The following VPS33A variants were observed in gnomAD, a reference collection of about 807,000 sequenced individuals.
VPS33A encodes the protein vacuolar protein sorting-associated protein 33A.
VPS33A carries 32 observed loss-of-function variants against 71.8 expected under a neutral mutation model. The ratio of observed to expected loss-of-function variants is 0.45; its 90% CI spans 0.34 to 0.60. The LOEUF is 0.60. Ranked by LOEUF, VPS33A falls within the 20% of genes least tolerant of loss-of-function variation. The pLI, the probability that VPS33A is intolerant of heterozygous loss-of-function variation, is 0.02. For synonymous variants in VPS33A, 311 were observed against 292.7 expected (o/e 1.06, Z -0.64); for missense variants, 625 against 748.5 (o/e 0.84, Z 1.92).
intron 2 of VPS33A, 127 bp downstream of exon 2, chr12:122,264,007 G>C: frequency 1.2e-6 from 1 of 801,836 alleles, no homozygotes. Context: ...TCGGGCACTA[G>C]TATTAGTGTT....
At chr12:122,259,342 C>T (rs76833259) in intron 4 of VPS33A, among the ~76,000 whole-genome samples, 1 of 152,068 alleles carries the variant, frequency 6.6e-6, no homozygotes, top group African/African-American at 2.4e-5. Context: ...GCCTCAGCCT[C>T]CCAAGTAGCT....
chr12:122,235,730 A>T, intron 11 of VPS33A, 56 bp downstream of exon 11: 1 of 1,542,762 alleles, frequency 6.5e-7, no homozygotes, highest in Non-Finnish European at 8.7e-7. Context: ...ATGTGTTGTC[A>T]CCTGGACGAT....
chr12:122,264,194 T>C lies in VPS33A; in HGVS notation c.108A>G (p.Ile36Met). ...GTCCAGTTAGGTATTCATCCCAAAC[T>C]ATTGCCTGTAAGAGGGGAGAAACAT... ...FLDKCAGSKAIVWDEYLTGPF... is the reference protein window; with the variant it reads ...FLDKCAGSKAMVWDEYLTGPF... Residue 36 changes from isoleucine to methionine, a missense_variant, in exon 2 of 13, where the codon ATA becomes ATG. Physicochemically the swap from Ile to Met is conservative, Grantham distance 10. Transcript: ENST00000267199. 6.5e-7 allele frequency: 1 copy of C among 1,541,438 alleles called. No homozygotes were observed. Among genetic ancestry groups the C allele is most frequent in the Non-Finnish European group, 8.8e-7 (1 of 1,131,024 alleles).
chr12:122,234,794 T>C (rs899129100), intron 11 of VPS33A, among the ~76,000 whole-genome samples: 1 of 152,216 alleles, frequency 6.6e-6, no homozygotes, highest in African/African-American at 2.4e-5. Context: ...ACGTTGTCAC[T>C]GGCCAGCTTC....
intron 4 of VPS33A, among the ~76,000 whole-genome samples, chr12:122,252,550 G>A (rs954392127): frequency 4.0e-5 from 6 of 151,786 alleles, no homozygotes; most frequent in Non-Finnish European, 8.8e-5. Flanking sequence ...GATTACAGGC[G>A]TGAGCCACCG....
rs934604487 is a variant in VPS33A, at chr12:122,250,217, G to A, written c.601-172C>T. 51 of 644,202 alleles carry A rather than the reference G, an allele frequency of 7.9e-5. No homozygotes were observed. In the Admixed American group the frequency reaches 1.2e-3, roughly 16 times the overall value. The allele number at this position is 644,202 out of a possible 1,614,324, so 39.9% of individuals were successfully genotyped here. A position where few individuals can be genotyped will look rare whatever the true frequency, so the allele number is the denominator to read the frequency against. On this transcript the variant is annotated intron_variant, in intron 5 of 12. Coordinates refer to ENST00000267199, the MANE Select transcript of VPS33A (RefSeq NM_022916.6). ...GCACCTTGCTGTTGGCACCCATCCC[G>A]ACACTTGCACCAAGGCAGCTGCCAT...
intron 9 of VPS33A, 99 bp downstream of exon 9, chr12:122,239,779 A>AAAAAAAAAAAAAAAAAAAAAAAT: frequency 2.0e-6 from 1 of 507,360 alleles, no homozygotes; most frequent in East Asian, 4.2e-5. Context: ...AAAAAAAAAA[A>AAAAAAAAAAAAAAAAAAAAAAAT]GGCAAGGCAT....
In VPS33A at chr12:122,244,561, T is replaced by C; in HGVS notation, c.969+8A>G. On this transcript the variant is annotated splice_region_variant and intron_variant, in intron 7 of 12. Coordinates refer to ENST00000267199, the MANE Select transcript of VPS33A (RefSeq NM_022916.6). ...GAGTTGCAGAATGACACCCAAAACT[T>C]GCCTCACCTCGAATGCTGCAGAGAT... 2 of 1,583,458 alleles carry C rather than the reference T, an allele frequency of 1.3e-6. No homozygotes were observed. Among genetic ancestry groups the C allele is most frequent in the Non-Finnish European group, 1.7e-6 (2 of 1,156,004 alleles).
chr12:122,254,239 C>T (rs1566048537), intron 4 of VPS33A, among the ~76,000 whole-genome samples: 1 of 152,100 alleles, frequency 6.6e-6, no homozygotes, highest in Non-Finnish European at 1.5e-5. Context: ...CTAGATGTAC[C>T]TCCTGAAGCC....
intron 4 of VPS33A, among the ~76,000 whole-genome samples, chr12:122,255,960 C>G (rs963197143): frequency 6.6e-6 from 1 of 151,966 alleles, no homozygotes; most frequent in Non-Finnish European, 1.5e-5. Flanking sequence ...CACATCACCA[C>G]GTGTGGCTAG....
At chr12:122,239,542 G>A (rs1262252290) in intron 9 of VPS33A, among the ~76,000 whole-genome samples, 1 of 152,032 alleles carries the variant, frequency 6.6e-6, no homozygotes, top group African/African-American at 2.4e-5. Flanking sequence ...AGACCATCCT[G>A]GCTAACATGG....
At position 122,266,171 on chromosome 12, in the gene VPS33A, G is replaced by A. The variant is rs944939944; in HGVS notation, c.102+136C>T. 1.5e-5 allele frequency: 20 copies of A among 1,338,378 alleles called. No homozygotes were observed. The Admixed American group carries it at 2.5e-4, about 17-fold the overall frequency. The allele number at this position is 1,338,378 out of a possible 1,614,324, so 82.9% of individuals were successfully genotyped here. ...CGCTGCCTCCTGCACAGGGGTGCAG[G>A]TAAAAGGGCCCTGAGGCTCGCCTCC... On this transcript the variant is annotated intron_variant, in intron 1 of 12. Coordinates refer to ENST00000267199, the MANE Select transcript of VPS33A (RefSeq NM_022916.6).
chr12:122,236,025 G>T, intron 10 of VPS33A, 102 bp from the exon 11 acceptor site: 1 of 1,421,906 alleles, frequency 7.0e-7, no homozygotes, highest in Non-Finnish European at 9.5e-7. Flanking sequence ...TTGTACTGCA[G>T]GACATGTTAC....
At chr12:122,234,828 C>T (rs1954608458) in intron 11 of VPS33A, among the ~76,000 whole-genome samples, 1 of 152,166 alleles carries the variant, frequency 6.6e-6, no homozygotes, top group Non-Finnish European at 1.5e-5. Flanking sequence ...TGACCATACC[C>T]TCAGCCAGAG....
intron 9 of VPS33A, 88 bp from the exon 10 acceptor site, chr12:122,238,812 A>G: frequency 8.8e-7 from 1 of 1,142,024 alleles, no homozygotes; most frequent in African/African-American, 2.0e-5. Flanking sequence ...CACACAATAC[A>G]TGGTTTAGGA....
rs757631442 is a variant in VPS33A at position 122,266,342 on chromosome 12, G to A, written c.67C>T (p.Leu23=). Residue 23 remains leucine, a synonymous_variant, in exon 1 of 13, where the codon CTG becomes TTG. Coordinates refer to ENST00000267199, the MANE Select transcript of VPS33A (RefSeq NM_022916.6). ...GCGCACTTGTCCAGGAACTCGCGCA[G>A]CTCGCGACGCACCGCCTCGCGCAAC... The part of the protein sequence containing the change: ...NVLREAVRRE[L]REFLDKCAGS... The A allele has an allele frequency of 5.0e-6, 8 of 1,613,254 alleles. No homozygotes were observed. The highest frequency in any genetic ancestry group is 5.9e-6 in the Non-Finnish European group (7 of 1,179,964).
rs1566046628 is a variant in VPS33A, at chr12:122,251,096, A to T, written c.487T>A (p.Cys163Ser). 1 of 1,612,476 alleles carries T rather than the reference A, an allele frequency of 6.2e-7. No homozygotes were observed. The highest frequency in any genetic ancestry group is 8.5e-7 in the Non-Finnish European group (1 of 1,178,864). The change falls in exon 5 of 13, where the codon TGC becomes AGC. Residue 163 changes from cysteine (C) to serine (S), a missense_variant. Coordinates refer to ENST00000267199, the MANE Select transcript of VPS33A (RefSeq NM_022916.6). ...CTCGTCTGGTCACCCTCCAGGTAGC[A>T]CTCCTGTGAGGGAAAAGGCCAATTA... is the stretch of plus-strand genomic sequence containing the variant. ...SMESEGAFKECYLEGDQTSLY... is the reference protein window; with the variant it reads ...SMESEGAFKESYLEGDQTSLY...
intron 8 of VPS33A, among the ~76,000 whole-genome samples, chr12:122,240,547 A>G (rs937028617): frequency 1.1e-4 from 17 of 152,206 alleles, no homozygotes; most frequent in African/African-American, 3.9e-4. Context: ...TCTCAAGAAC[A>G]TTTCATTTTC....
At chr12:122,241,929 A>G (rs1566041384) in intron 8 of VPS33A, among the ~76,000 whole-genome samples, 1 of 138,244 alleles carries the variant, frequency 7.2e-6, no homozygotes, top group Non-Finnish European at 1.5e-5. Context: ...GTTTTTCGAG[A>G]TGGAGTCTCA....
Sources: allele counts gnomAD v4.1 joint callset (sites outside exome capture counted in the v4.1 genomes callset), GRCh38; gene constraint gnomAD v4.1.1; transcripts MANE v1.5; gene names NCBI Gene and HGNC (gene_info 2026-07-23, HGNC 2026-07-21).